CYLD: variants seen among roughly 807,000 people sequenced by gnomAD.
CYLD encodes CYLD lysine 63 deubiquitinase, also known as ubiquitin carboxyl-terminal hydrolase CYLD.
In CYLD, 26 loss-of-function variants were observed where a neutral mutation model predicts 104.5. That is an observed-to-expected ratio of 0.25 (90% CI 0.18 to 0.35). CYLD has a LOEUF of 0.35. Ranked by LOEUF, CYLD falls within the 10% of genes least tolerant of loss-of-function variation. The pLI is 1.00. For synonymous variants in CYLD, 385 were observed against 399.9 expected (o/e 0.96, Z 0.45); for missense variants, 703 against 1,136.1 (o/e 0.62, Z 5.48).
At chr16:50,764,228 G>A (rs1968253713) in intron 5 of CYLD, among the ~76,000 whole-genome samples, 2 of 152,078 alleles carry the variant, frequency 1.3e-5, no homozygotes, top group Admixed American at 6.6e-5. Flanking sequence ...ACCTGGGAAA[G>A]GTTTCTTTTA....
chr16:50,772,701 A>G (rs1939497796), intron 5 of CYLD, among the ~76,000 whole-genome samples: 1 of 149,460 alleles, frequency 6.7e-6, no homozygotes, highest in Admixed American at 6.6e-5. Flanking sequence ...CAGTATAAAA[A>G]GATAACTTCC....
At chr16:50,771,975 C>A (rs1270681366) in intron 5 of CYLD, among the ~76,000 whole-genome samples, 1 of 152,164 alleles carries the variant, frequency 6.6e-6, no homozygotes, top group African/African-American at 2.4e-5. Flanking sequence ...GTAAGTCTTG[C>A]AATCTATTAA....
chr16:50,796,135 T>C (rs996841502), intron 18 of CYLD, among the ~76,000 whole-genome samples, 189 bp from the exon 19 acceptor site: 3 of 152,170 alleles, frequency 2.0e-5, no homozygotes, highest in Non-Finnish European at 4.4e-5. Flanking sequence ...GGCCCCAGAA[T>C]CCTTTCAGAA....
intron 1 of CYLD, chr16:50,742,362 G>GGCCCGCGGGTTGCCGA (rs1965752655): frequency 1.3e-5 from 2 of 154,346 alleles, no homozygotes; most frequent in Non-Finnish European, 2.9e-5. Context: ...GAGCCGGCCG[G>GGCCCGCGGGTTGCCGA]GCCCGCGGGT....
chr16:50,779,881 C>T lies in CYLD; in HGVS notation c.1355C>T (p.Ala452Val). The change falls in exon 9 of 19, where the codon GCA becomes GTA. Residue 452 changes from alanine to valine, a missense_variant. Ala to Val is a moderately conservative substitution (Grantham distance 64). Coordinates refer to ENST00000427738, the MANE Select transcript of CYLD (RefSeq NM_001378743.1). ...TCTGTAATGGAAGAGCTAAACACTG[C>T]ACCCGTCCAAGAGAGTCCACCCTTG... ...AQSVMEELNTAPVQESPPLAM... is the reference protein window; with the variant it reads ...AQSVMEELNTVPVQESPPLAM... 2 of 1,614,098 alleles carry T rather than the reference C, an allele frequency of 1.2e-6. No individual in the cohort carries two copies. Among genetic ancestry groups the T allele is most frequent in the African/African-American group, 1.3e-5 (1 of 75,030 alleles).
chr16:50,745,771 C>A (rs947442951), intron 2 of CYLD, among the ~76,000 whole-genome samples: 2 of 152,066 alleles, frequency 1.3e-5, no homozygotes, highest in African/African-American at 2.4e-5. Context: ...GTAAAAAATA[C>A]CAAACTAACA....
At chr16:50,750,324 A>G in intron 3 of CYLD, 122 bp downstream of exon 3, 1 of 1,129,782 alleles carries the variant, frequency 8.9e-7, no homozygotes, top group South Asian at 1.2e-5. Flanking sequence ...AGTCTTCTGT[A>G]ATTTTTAATA....
intron 9 of CYLD, among the ~76,000 whole-genome samples, chr16:50,780,664 A>G (rs995816616): frequency 2.0e-5 from 3 of 152,016 alleles, no homozygotes; most frequent in African/African-American, 7.2e-5. Context: ...AATTACAGAC[A>G]TGTACCATCA....
At chr16:50,772,266 A>G (rs1022101792) in intron 5 of CYLD, among the ~76,000 whole-genome samples, 1 of 152,172 alleles carries the variant, frequency 6.6e-6, no homozygotes, top group Non-Finnish European at 1.5e-5. Context: ...AATGTAGTCA[A>G]GAAGAAAACC....
intron 5 of CYLD, among the ~76,000 whole-genome samples, chr16:50,769,241 C>T (rs187503217): frequency 6.6e-5 from 10 of 152,278 alleles, no homozygotes; most frequent in Admixed American, 6.5e-4. Flanking sequence ...TGACTGTTAA[C>T]TTAAATAAAA....
chr16:50,746,794 T>G (rs921685889), intron 2 of CYLD, among the ~76,000 whole-genome samples: 3 of 151,630 alleles, frequency 2.0e-5, no homozygotes, highest in Admixed American at 6.6e-5. Flanking sequence ...TCAAATTTAT[T>G]TAACATAATG....
chr16:50,797,902 C>T lies in CYLD; in HGVS notation c.*1394C>T, dbSNP rs575889691. On this transcript the variant is annotated 3_prime_UTR_variant, in exon 19 of 19. Coordinates refer to ENST00000427738, the MANE Select transcript of CYLD (RefSeq NM_001378743.1). ...TAGCTTTATAAATTACAGTAAGGTA[C>T]AAAAACTCATCTTGTAATATTTTCA... 8.6e-6 allele frequency: 2 copies of T among 231,970 alleles called. No homozygotes were observed. Among genetic ancestry groups the T allele is most frequent in the East Asian group, 1.2e-4 (2 of 16,438 alleles). 14.4% of individuals were successfully genotyped at this position (231,970 alleles called of 1,614,324 possible). A position where few individuals can be genotyped will look rare whatever the true frequency, so the allele number is the denominator to read the frequency against.
intron 14 of CYLD, among the ~76,000 whole-genome samples, chr16:50,789,449 G>A (rs1487414790): frequency 6.6e-6 from 1 of 152,138 alleles, no homozygotes; most frequent in Non-Finnish European, 1.5e-5. Flanking sequence ...TGAATACTGA[G>A]TGATCCTCAG....
At chr16:50,784,053 C>G in intron 11 of CYLD, 1 of 372,248 alleles carries the variant, frequency 2.7e-6, no homozygotes, top group Non-Finnish European at 5.1e-6. Flanking sequence ...TCTTAATATT[C>G]TGTTGGCACG....
At chr16:50,755,046 T>G (rs1261420821) in intron 5 of CYLD, among the ~76,000 whole-genome samples, 2 of 33,782 alleles carry the variant, frequency 5.9e-5, no homozygotes, top group Admixed American at 5.7e-4. Context: ...TATATACATA[T>G]ATATGTATAT....
At chr16:50,769,962 A>T (rs953933863) in intron 5 of CYLD, among the ~76,000 whole-genome samples, 1 of 152,188 alleles carries the variant, frequency 6.6e-6, no homozygotes, top group Non-Finnish European at 1.5e-5. Flanking sequence ...ATTTATCTAC[A>T]TTATTTTATA....
intron 5 of CYLD, among the ~76,000 whole-genome samples, chr16:50,765,548 A>G (rs965507650): frequency 1.3e-5 from 2 of 152,220 alleles, no homozygotes; most frequent in Non-Finnish European, 2.9e-5. Flanking sequence ...AGAGAGTTGC[A>G]TATCTCTCAC....
In CYLD at chr16:50,754,330, T is replaced by G; in HGVS notation, c.819T>G (p.Ile273Met). The change falls in exon 5 of 19, where the codon ATT becomes ATG. Residue 273 changes from isoleucine (I) to methionine (M), a missense_variant. Ile to Met is a conservative substitution (Grantham distance 10, BLOSUM62 1). This residue lies in a region of CYLD where 123 missense variants were observed against 213.3 expected (regional missense o/e 0.58). Coordinates refer to ENST00000427738, the MANE Select transcript of CYLD (RefSeq NM_001378743.1). ...TATTTAATTTCTAGGATAACCCTAT[T>G]GGCAACTGGGATGGAAGATTTGATG... The part of the protein sequence containing the change: ...YFVGVDMDNP[I>M]GNWDGRFDGV... 1 of 1,610,376 alleles carries G rather than the reference T, an allele frequency of 6.2e-7. No homozygotes were observed. The highest frequency in any genetic ancestry group is 8.5e-7 in the Non-Finnish European group (1 of 1,176,832).
At chr16:50,775,273 G>A in intron 6 of CYLD, 99 bp downstream of exon 6, 2 of 890,784 alleles carry the variant, frequency 2.2e-6, no homozygotes, top group Non-Finnish European at 3.6e-6. Context: ...CCCTTGATCA[G>A]TATTTAGGAG....
Sources: allele counts gnomAD v4.1 joint callset (sites outside exome capture counted in the v4.1 genomes callset), GRCh38; gene constraint gnomAD v4.1.1; regional missense constraint gnomAD v4.1.1; transcripts MANE v1.5; gene names NCBI Gene and HGNC (gene_info 2026-07-23, HGNC 2026-07-21).